Variants in RDH5 observed in about 807,000 individuals in gnomAD.
RDH5 encodes 11-cis RDH.
RDH5 carries 25 observed loss-of-function variants against 24.0 expected under a neutral mutation model. The ratio of observed to expected loss-of-function variants is 1.04; its 90% CI spans 0.76 to 1.46. The LOEUF (loss-of-function observed/expected upper bound fraction) is 1.46, where lower values mean the gene tolerates loss of function less well. RDH5 is among the 40% of genes most tolerant of loss of function. The pLI is 0.00. For missense variants in RDH5, 369 were observed against 410.3 expected (o/e 0.90, Z 0.87); for synonymous variants, 170 against 175.2 (o/e 0.97, Z 0.23).
In RDH5 at chr12:55,724,287, A is replaced by G; in HGVS notation, c.734-35A>G. On this transcript the variant is annotated intron_variant, in intron 4 of 4. Coordinates refer to ENST00000257895, the MANE Select transcript of RDH5 (RefSeq NM_002905.5). ...TACCTAAGATGGGCTGGAGTGAGGAAGGGAAACTGATTGCAACCACCTATG... is the reference window on the plus strand; with the variant it reads ...TACCTAAGATGGGCTGGAGTGAGGAGGGGAAACTGATTGCAACCACCTATG... The G allele has an allele frequency of 6.2e-6, 10 of 1,609,400 alleles. No individual in the cohort carries two copies. The South Asian group carries it at 1.1e-4, about 18-fold the overall frequency.
chr12:55,722,115 A>C (rs1197030898), intron 3 of RDH5, 168 bp downstream of exon 3: 5 of 674,608 alleles, frequency 7.4e-6, no homozygotes, highest in South Asian at 2.0e-5. Context: ...CTTTGTGACC[A>C]TAAGTAGATT....
At chr12:55,724,209 C>G in intron 4 of RDH5, 113 bp from the exon 5 acceptor site, 5 of 1,453,700 alleles carry the variant, frequency 3.4e-6, no homozygotes, top group East Asian at 2.4e-5. Context: ...CCTGCCCACT[C>G]CCCACACTGA....
chr12:55,724,338 G>A lies in RDH5; in HGVS notation c.750G>A (p.Gln250=). The stretch of plus-strand genomic sequence containing the variant: ...GGGCTGCAGACCTGAAAATGCAACA[G>A]CGCATCATGAACCTGATCTGTGACC... ...AFLTKYLKMQ[Q]RIMNLICDPD... The change falls in exon 5 of 5, where the codon CAG becomes CAA. Residue 250 remains glutamine (Q), a synonymous_variant. Transcript: ENST00000257895. 6.2e-7 allele frequency: 1 copy of A among 1,614,196 alleles called. No homozygotes were observed. The highest frequency in any genetic ancestry group is 8.5e-7 in the Non-Finnish European group (1 of 1,180,034).
Position 55,724,415 on chromosome 12 carries a change from A to G in RDH5, c.827A>G (p.His276Arg). ...RCLEHALTARHPRTRYSPGWD... is the reference protein window; with the variant it reads ...RCLEHALTARRPRTRYSPGWD... The stretch of plus-strand genomic sequence containing the variant: ...CTGGAGCATGCCCTGACTGCTCGAC[A>G]CCCCCGAACCCGCTACAGCCCAGGT... Residue 276 changes from histidine to arginine, a missense_variant, in exon 5 of 5, where the codon CAC becomes CGC. His to Arg is a conservative substitution (Grantham distance 29). Coordinates refer to ENST00000257895, the MANE Select transcript of RDH5 (RefSeq NM_002905.5). 1.2e-6 allele frequency: 2 copies of G among 1,613,914 alleles called. No homozygotes were observed. Among genetic ancestry groups the G allele is most frequent in the African/African-American group, 1.3e-5 (1 of 74,920 alleles).
At position 55,721,637 on chromosome 12, in the gene RDH5, G is replaced by T; in HGVS notation, c.311-52G>T. 5 of 1,601,636 alleles carry T rather than the reference G, an allele frequency of 3.1e-6. No individual in the cohort carries two copies. Among genetic ancestry groups the T allele is most frequent in the Non-Finnish European group, 3.4e-6 (4 of 1,179,454 alleles). On this transcript the variant is annotated intron_variant, in intron 2 of 4. Coordinates refer to ENST00000257895, the MANE Select transcript of RDH5 (RefSeq NM_002905.5). The surrounding 1 kb of genome is among the most constrained non-coding windows in gnomAD (Gnocchi z 4.7). ...TTCAGATGCTCCCAGGAAGAAGAGG[G>T]AGCTGTGGGAGTGCCTCACCTACCC...
chr12:55,724,661 G>T lies in RDH5; in HGVS notation c.*116G>T. ...AAATAAGCACTAACAAAAGTGTATT[G>T]TTTAAAAAATAAAAAGAAGGTGGGC... On this transcript the variant is annotated 3_prime_UTR_variant, in exon 5 of 5. Coordinates refer to ENST00000257895, the MANE Select transcript of RDH5 (RefSeq NM_002905.5). 1.0e-6 allele frequency: 1 copy of T among 1,003,976 alleles called. No individual in the cohort carries two copies. Among genetic ancestry groups the T allele is most frequent in the South Asian group, 1.4e-5 (1 of 73,932 alleles). The allele number at this position is 1,003,976 out of a possible 1,614,324, so 62.2% of individuals were successfully genotyped here.
chr12:55,724,294 C>T, intron 4 of RDH5, 28 bp from the exon 5 acceptor site: 1 of 1,612,094 alleles, frequency 6.2e-7, no homozygotes, highest in South Asian at 1.1e-5. Flanking sequence ...GGAAGGGAAA[C>T]TGATTGCAAC....
In RDH5 at chr12:55,724,646, T is replaced by A; in HGVS notation, c.*101T>A. 1 of 1,054,486 alleles carries A rather than the reference T, an allele frequency of 9.5e-7. No homozygotes were observed. Among genetic ancestry groups the A allele is most frequent in the African/African-American group, 1.6e-5 (1 of 63,800 alleles). The allele number at this position is 1,054,486 out of a possible 1,614,324, so 65.3% of individuals were successfully genotyped here. A position where few individuals can be genotyped will look rare whatever the true frequency, so the allele number is the denominator to read the frequency against. On this transcript the variant is annotated 3_prime_UTR_variant, in exon 5 of 5. Transcript: ENST00000257895. Reference sequence around the variant, plus strand: ...CTGGTGCCTGCCACAAAATAAGCACTAACAAAAGTGTATTGTTTAAAAAAT... The same window carrying A: ...CTGGTGCCTGCCACAAAATAAGCACAAACAAAAGTGTATTGTTTAAAAAAT...
rs781275522 is a variant in RDH5 at position 55,724,556 on chromosome 12, C to T, written c.*11C>T. 6 of 1,606,186 alleles carry T rather than the reference C, an allele frequency of 3.7e-6. No homozygotes were observed. Among genetic ancestry groups the T allele is most frequent in the Non-Finnish European group, 5.1e-6 (6 of 1,177,972 alleles). On this transcript the variant is annotated 3_prime_UTR_variant, in exon 5 of 5. Transcript: ENST00000257895. ...CAAGCAGTCTACTGAATCCAGCCTT[C>T]CAGCAAGAGATTGTTTTTCAAGGAC...
Position 55,724,043 on chromosome 12 carries a change from A to G in RDH5, c.727A>G (p.Thr243Ala). 1 of 1,609,538 alleles carries G rather than the reference A, an allele frequency of 6.2e-7. No individual in the cohort carries two copies. Among genetic ancestry groups the G allele is most frequent in the East Asian group, 2.2e-5 (1 of 44,860 alleles). ...TQAHYGGAFLTKYLKMQQRIM... is the reference protein window; with the variant it reads ...TQAHYGGAFLAKYLKMQQRIM... ...GGCCCACTATGGGGGGGCCTTCCTC[A>G]CCAAGTGTGAGTAGCCAGGCCCACA... is the stretch of plus-strand genomic sequence containing the variant. The change falls in exon 4 of 5, where the codon ACC becomes GCC. Residue 243 changes from threonine to alanine, a missense_variant. Thr to Ala is a moderately conservative substitution (Grantham distance 58). Coordinates refer to ENST00000257895, the MANE Select transcript of RDH5 (RefSeq NM_002905.5).
At chr12:55,720,640 A>T in intron 1 of RDH5, 123 bp downstream of exon 1, 1 of 156,012 alleles carries the variant, frequency 6.4e-6, no homozygotes, top group Admixed American at 6.2e-5. Context: ...ATCCTCCACA[A>T]CTCTGAGGTG....
In RDH5 at chr12:55,721,190, G is replaced by A. The variant is rs1347003440; in HGVS notation, c.6G>A (p.Trp2Ter). The A allele has an allele frequency of 6.2e-7, 1 of 1,613,906 alleles. No homozygotes were observed. Among genetic ancestry groups the A allele is most frequent in the Admixed American group, 1.7e-5 (1 of 60,028 alleles). The change falls in exon 2 of 5, where the codon TGG (tryptophan) becomes TGA (stop). Residue 2 changes from tryptophan (W) to a stop codon, truncating the protein, a stop_gained. Coordinates refer to ENST00000257895, the MANE Select transcript of RDH5 (RefSeq NM_002905.5). LOFTEE classifies it high-confidence loss of function. This position sits in a 1 kb window ranked among gnomAD's most constrained non-coding sequence, Gnocchi z 4.7. ...AGGTCACTTGGGCTCCAGCTATGTG[G>A]CTGCCTCTTCTGCTGGGTGCCTTAC... The part of the protein sequence containing the change: M[W>*]LPLLLGALLW...
Position 55,721,345 on chromosome 12 carries a change from G to A in RDH5, c.161G>A (p.Arg54Gln), listed in dbSNP as rs200548164. ...CTGCAGCTGGACCAGAGAGGCTTCC[G>A]AGTCCTGGCCAGCTGCCTGACCCCC... ...LALQLDQRGF[R>Q]VLASCLTPSG... The change falls in exon 2 of 5, where the codon CGA (arginine) becomes CAA (glutamine). Residue 54 changes from arginine (R) to glutamine (Q), a missense_variant. Physicochemically the swap from Arg to Gln is conservative, Grantham distance 43 (BLOSUM62 1). Coordinates refer to ENST00000257895, the MANE Select transcript of RDH5 (RefSeq NM_002905.5). The surrounding 1 kb of genome is among the most constrained non-coding windows in gnomAD (Gnocchi z 4.7). The A allele has an allele frequency of 3.7e-5, 60 of 1,613,902 alleles. No individual in the cohort carries two copies. In the East Asian group the frequency reaches 6.9e-4, roughly 19 times the overall value.
Position 55,724,674 on chromosome 12 carries a change from A to C in RDH5, c.*129A>C, listed in dbSNP as rs991765281. 8.4e-6 allele frequency: 8 copies of C among 950,704 alleles called. No homozygotes were observed. Among genetic ancestry groups the C allele is most frequent in the Non-Finnish European group, 9.8e-6 (6 of 613,658 alleles). The allele number at this position is 950,704 out of a possible 1,614,324, so 58.9% of individuals were successfully genotyped here. A position where few individuals can be genotyped will look rare whatever the true frequency, so the allele number is the denominator to read the frequency against. On this transcript the variant is annotated 3_prime_UTR_variant, in exon 5 of 5. Coordinates refer to ENST00000257895, the MANE Select transcript of RDH5 (RefSeq NM_002905.5). ...CAAAAGTGTATTGTTTAAAAAATAA[A>C]AAGAAGGTGGGCAGAAATGTGCCCA...
chr12:55,720,908 A>ATT, intron 1 of RDH5: 1 of 289,492 alleles, frequency 3.5e-6, no homozygotes, highest in Non-Finnish European at 6.5e-6. Flanking sequence ...AAAAAAAAAG[A>ATT]TGCCTCTGCT....
At chr12:55,723,212 A>G (rs1877006362) in intron 3 of RDH5, 1 of 152,190 alleles carries the variant, frequency 6.6e-6, no homozygotes, top group African/African-American at 2.4e-5. Flanking sequence ...CCCGGCCTCA[A>G]GCGATGCTTC....
intron 3 of RDH5, 62 bp from the exon 4 acceptor site, chr12:55,723,824 T>C: frequency 6.3e-7 from 1 of 1,587,318 alleles, no homozygotes; most frequent in Non-Finnish European, 8.6e-7. Context: ...CCAACCCATG[T>C]CCCTCAAAGT....
intron 3 of RDH5, chr12:55,723,013 T>A (rs1464935150): frequency 6.6e-6 from 1 of 152,046 alleles, no homozygotes. Flanking sequence ...AAGGCCTTGC[T>A]CTCACCCAGG....
chr12:55,723,798 T>C, intron 3 of RDH5, 88 bp from the exon 4 acceptor site: 3 of 1,492,324 alleles, frequency 2.0e-6, no homozygotes, highest in Non-Finnish European at 2.8e-6. Flanking sequence ...TGGTCTGTGG[T>C]AACTTTCTCA....
Sources: allele counts gnomAD v4.1 joint callset, GRCh38; gene constraint gnomAD v4.1.1; non-coding constraint Gnocchi (gnomAD v3.1); transcripts MANE v1.5; gene names NCBI Gene and HGNC (gene_info 2026-07-23, HGNC 2026-07-21).